The following PCCA variants were observed in gnomAD, a reference collection of about 807,000 sequenced individuals.
PCCA encodes propionyl-CoA carboxylase subunit alpha.
In PCCA, 74 loss-of-function variants were observed where a neutral mutation model predicts 101.3. That is an observed-to-expected ratio of 0.73 (90% CI 0.61 to 0.89). The LOEUF (loss-of-function observed/expected upper bound fraction) is 0.89. PCCA is among the 40% of genes least tolerant of loss of function. The pLI, the probability that PCCA is intolerant of heterozygous loss-of-function variation, is 0.00. For synonymous variants in PCCA, 294 were observed against 313.6 expected, an observed-to-expected ratio of 0.94 and a Z score of 0.66; for missense variants, 891 against 907.0, an observed-to-expected ratio of 0.98 and a Z score of 0.23.
intron 21 of PCCA, chr13:100,491,547 C>A: frequency 1.9e-6 from 1 of 519,504 alleles, no homozygotes; most frequent in Non-Finnish European, 3.4e-6. Flanking sequence ...AAAGAAAGTA[C>A]TGACTCACTG....
intron 11 of PCCA, among the ~76,000 whole-genome samples, chr13:100,271,289 AT>A (rs1325931845): frequency 6.6e-6 from 1 of 152,172 alleles, no homozygotes; most frequent in Non-Finnish European, 1.5e-5. Context: ...AATGCAAACT[AT>A]ATTATAGATA....
chr13:100,297,174 G>A (rs553101700), intron 12 of PCCA, among the ~76,000 whole-genome samples: 7 of 152,266 alleles, frequency 4.6e-5, no homozygotes, highest in East Asian at 1.9e-4. Context: ...CATTATTGGT[G>A]GTGTTGGCTT....
chr13:100,183,232 A>G (rs2056959719), intron 6 of PCCA, among the ~76,000 whole-genome samples: 1 of 152,160 alleles, frequency 6.6e-6, no homozygotes, highest in Non-Finnish European at 1.5e-5. Context: ...TATTCCTATC[A>G]TAAATACTCT....
At chr13:100,336,571 C>T (rs1003585439) in intron 17 of PCCA, among the ~76,000 whole-genome samples, 2 of 152,038 alleles carry the variant, frequency 1.3e-5, no homozygotes, top group Admixed American at 6.5e-5. Context: ...ATTATCCCCC[C>T]AAAAGTTTAA....
At chr13:100,089,273 G>A (rs751254328) in intron 1 of PCCA, 48 bp downstream of exon 1, 45 of 1,414,312 alleles carry the variant, frequency 3.2e-5, no homozygotes, top group Non-Finnish European at 3.0e-5. Flanking sequence ...TGGGCTTCTA[G>A]CCGTGCCGCC....
At chr13:100,247,554 C>T (rs1200351990) in intron 8 of PCCA, among the ~76,000 whole-genome samples, 2 of 146,930 alleles carry the variant, frequency 1.4e-5, no homozygotes, top group East Asian at 2.1e-4. Context: ...CGCTCTGTCA[C>T]CTAGGCTGGA....
rs568433440 is a variant in PCCA, at chr13:100,520,753, A to G, written c.2040+5186A>G. Among the ~76,000 whole-genome samples the G allele has an allele frequency of 1.4e-4, 22 of 152,070 alleles. No homozygotes were observed. In the South Asian group the frequency reaches 4.4e-3, roughly 30 times the overall value. On this transcript the variant is annotated intron_variant, in intron 22 of 23. Transcript: ENST00000376285. ...AAAAAAATATCTATTAGTACTGGGA[A>G]TTTTTACAGTTGAATATACTCAATG...
chr13:100,113,777 C>T (rs2048545240), intron 4 of PCCA, among the ~76,000 whole-genome samples: 1 of 151,966 alleles, frequency 6.6e-6, no homozygotes, highest in Admixed American at 6.6e-5. Context: ...CGGGGTTTCA[C>T]CATGTTGGCC....
chr13:100,426,712 T>C (rs2079167874), intron 20 of PCCA, among the ~76,000 whole-genome samples: 1 of 152,198 alleles, frequency 6.6e-6, no homozygotes, highest in African/African-American at 2.4e-5. Context: ...ATTTTGACTT[T>C]GGTTTTGTGA....
At chr13:100,473,507 TC>T (rs1206090352) in intron 21 of PCCA, among the ~76,000 whole-genome samples, 2 of 152,216 alleles carry the variant, frequency 1.3e-5, no homozygotes, top group Non-Finnish European at 2.9e-5. Context: ...CTAAGAATTT[TC>T]TATTTCTTAG....
At chr13:100,389,060 T>C (rs1245511135) in intron 19 of PCCA, among the ~76,000 whole-genome samples, 1 of 152,204 alleles carries the variant, frequency 6.6e-6, no homozygotes, top group Non-Finnish European at 1.5e-5. Context: ...TACATCTGAC[T>C]TCTCACAGTG....
intron 18 of PCCA, among the ~76,000 whole-genome samples, chr13:100,347,315 C>G (rs911545384): frequency 1.3e-5 from 2 of 152,192 alleles, no homozygotes; most frequent in African/African-American, 4.8e-5. Flanking sequence ...GAAATACTTG[C>G]TTCATTGCAG....
chr13:100,259,964 C>T (rs942349868), intron 9 of PCCA, among the ~76,000 whole-genome samples: 3 of 151,968 alleles, frequency 2.0e-5, no homozygotes, highest in African/African-American at 2.4e-5. Flanking sequence ...AGGTTGTTGG[C>T]GATGCTTTCA....
At chr13:100,273,492 G>A (rs1180686571) in intron 12 of PCCA, 146 bp downstream of exon 12, 1 of 690,972 alleles carries the variant, frequency 1.4e-6, no homozygotes, top group Non-Finnish European at 2.5e-6. Flanking sequence ...TAAGACATCT[G>A]TTAGGAATGA....
intron 21 of PCCA, among the ~76,000 whole-genome samples, chr13:100,512,589 G>C (rs918656740): frequency 2.6e-5 from 4 of 152,104 alleles, no homozygotes; most frequent in African/African-American, 9.7e-5. Flanking sequence ...TCATCTTCCG[G>C]CTCCATGGCA....
intron 19 of PCCA, among the ~76,000 whole-genome samples, chr13:100,379,493 A>G (rs2076105668): frequency 1.3e-5 from 2 of 152,242 alleles, no homozygotes; most frequent in Admixed American, 1.3e-4. Context: ...AAAGTTTCTA[A>G]TATTTGTGAA....
chr13:100,089,181 C>A lies in PCCA; in HGVS notation c.61C>A (p.Pro21Thr). Residue 21 changes from proline to threonine, a missense_variant, in exon 1 of 24, where the codon CCG (proline) becomes ACG (threonine). Pro to Thr is a conservative substitution (Grantham distance 38, BLOSUM62 -1). Transcript: ENST00000376285. Reference protein sequence around the residue: ...LVAAGRRGRWPPQQLMLSAAL... With the variant: ...LVAAGRRGRWTPQQLMLSAAL... The stretch of plus-strand genomic sequence containing the variant: ...CGCTGCCGGACGGCGTGGGCGGTGG[C>A]CGCCGCAGCAGCTGATGCTGAGCGC... 2 of 1,529,002 alleles carry A rather than the reference C, an allele frequency of 1.3e-6. No homozygotes were observed. Among genetic ancestry groups the A allele is most frequent in the Non-Finnish European group, 1.8e-6 (2 of 1,140,142 alleles). The allele number at this position is 1,529,002 out of a possible 1,614,324, so 94.7% of individuals were successfully genotyped here.
chr13:100,127,749 G>A (rs552678664), intron 4 of PCCA, among the ~76,000 whole-genome samples: 2 of 152,144 alleles, frequency 1.3e-5, no homozygotes, highest in South Asian at 4.2e-4. Context: ...AAAGTTAGCC[G>A]GGCGTGGTGG....
intron 1 of PCCA, among the ~76,000 whole-genome samples, chr13:100,099,176 C>T (rs548596428): frequency 5.3e-5 from 8 of 152,158 alleles, no homozygotes; most frequent in Non-Finnish European, 1.2e-4. Context: ...AATGCTACTG[C>T]GGGTATGTTA....
Sources: allele counts gnomAD v4.1 joint callset (sites outside exome capture counted in the v4.1 genomes callset), GRCh38; gene constraint gnomAD v4.1.1; transcripts MANE v1.5; gene names NCBI Gene and HGNC (gene_info 2026-07-23, HGNC 2026-07-21).